Variants in DCC observed in about 807,000 individuals in gnomAD.
The protein encoded by DCC is DCC netrin 1 receptor.
In DCC, 58 loss-of-function variants were observed where a neutral mutation model predicts 172.5. The observed-to-expected ratio is 0.34, with a 90% CI of 0.27 to 0.42. The LOEUF (loss-of-function observed/expected upper bound fraction) is 0.42, where lower values mean the gene tolerates loss of function less well. Ranked by LOEUF, DCC falls within the 10% of genes least tolerant of loss-of-function variation. The pLI is 1.00. For synonymous variants in DCC, 709 were observed against 644.5 expected (o/e 1.10, Z -1.52); for missense variants, 1,740 against 1,791.0 (o/e 0.97, Z 0.51).
At chr18:52,798,361 GTTTCT>G (rs1250425870) in intron 2 of DCC, among the ~76,000 whole-genome samples, 1 of 152,120 alleles carries the variant, frequency 6.6e-6, no homozygotes, top group Admixed American at 6.5e-5. Context: ...TGCAGAGGAA[GTTTCT>G]TTTCTTTTTA....
chr18:52,802,532 T>C (rs774475101), intron 2 of DCC, among the ~76,000 whole-genome samples: 2 of 148,372 alleles, frequency 1.3e-5, no homozygotes, highest in African/African-American at 2.5e-5. Flanking sequence ...TGCAGGGCAG[T>C]GGCATGAACA....
chr18:53,228,321 G>C (rs1160544999), intron 12 of DCC, among the ~76,000 whole-genome samples: 1 of 152,084 alleles, frequency 6.6e-6, no homozygotes, highest in Non-Finnish European at 1.5e-5. Context: ...TCAGAGAAAA[G>C]TCAATGAAGA....
intron 20 of DCC, among the ~76,000 whole-genome samples, chr18:53,412,107 C>T (rs1910020523): frequency 6.6e-6 from 1 of 152,080 alleles, no homozygotes; most frequent in African/African-American, 2.4e-5. Context: ...GTTTAATGAG[C>T]TCAGTATTTC....
At chr18:53,520,297 A>C (rs1297844592) in intron 27 of DCC, among the ~76,000 whole-genome samples, 1 of 152,138 alleles carries the variant, frequency 6.6e-6, no homozygotes, top group Non-Finnish European at 1.5e-5. Context: ...GGATTGGACC[A>C]TGCTCCAGGC....
Position 53,428,775 on chromosome 18 carries a change from T to C in DCC, c.3164-6369T>C, listed in dbSNP as rs1448674343. Among the ~76,000 whole-genome samples the C allele has an allele frequency of 3.1e-4, 16 of 52,208 alleles. 1 individual carries two copies. The highest frequency in any genetic ancestry group is 5.1e-4 in the Non-Finnish European group (14 of 27,202). The allele number at this position is 52,208 out of a possible 152,430, so 34.3% of individuals were successfully genotyped here. ...TATATATAATAAATTATATATTATA[T>C]ATTTTATATATAATAAATTATATAT... On this transcript the variant is annotated intron_variant, in intron 21 of 28. Transcript: ENST00000442544.
chr18:52,888,879 A>C (rs1236863542), intron 2 of DCC, among the ~76,000 whole-genome samples: 1 of 152,138 alleles, frequency 6.6e-6, no homozygotes, highest in Admixed American at 6.5e-5. Flanking sequence ...ATAAGTATAC[A>C]TATACACACA....
intron 5 of DCC, among the ~76,000 whole-genome samples, chr18:53,047,428 CATATATATATATAT>C (rs58797605): frequency 6.8e-4 from 34 of 50,050 alleles, no homozygotes; most frequent in African/African-American, 1.8e-3. Flanking sequence ...ATATATTTTA[CATATATATATATAT>C]ATATATATAT....
At chr18:52,644,718 G>A (rs2034978200) in intron 1 of DCC, among the ~76,000 whole-genome samples, 2 of 149,434 alleles carry the variant, frequency 1.3e-5, no homozygotes, top group African/African-American at 4.9e-5. Context: ...TTGTACCACT[G>A]TGTGACAGAG....
At chr18:53,300,198 C>A (rs148956788) in intron 12 of DCC, among the ~76,000 whole-genome samples, 1 of 152,202 alleles carries the variant, frequency 6.6e-6, no homozygotes, top group East Asian at 1.9e-4. Context: ...TCTGTAGTTG[C>A]AAAGTTGCCT....
chr18:53,432,477 A>G (rs1239617824), intron 21 of DCC, among the ~76,000 whole-genome samples: 1 of 152,188 alleles, frequency 6.6e-6, no homozygotes, highest in Admixed American at 6.5e-5. Flanking sequence ...GAAGTATTTT[A>G]TATCTTTGCA....
intron 9 of DCC, among the ~76,000 whole-genome samples, chr18:53,185,981 A>G (rs1350534996): frequency 2.0e-5 from 3 of 152,352 alleles, no homozygotes; most frequent in African/African-American, 7.2e-5. Context: ...AAAATACATA[A>G]GCATCTTCCG....
At chr18:53,358,678 A>C (rs2057909248) in intron 15 of DCC, among the ~76,000 whole-genome samples, 1 of 151,282 alleles carries the variant, frequency 6.6e-6, no homozygotes, top group South Asian at 2.1e-4. Context: ...CTGCCACCAC[A>C]CCAGGCTAAA....
chr18:53,511,804 G>A (rs1323582829), intron 27 of DCC, among the ~76,000 whole-genome samples: 2 of 152,196 alleles, frequency 1.3e-5, no homozygotes, highest in African/African-American at 4.8e-5. Flanking sequence ...TGGCTCGGAG[G>A]GTCCTACGCC....
At chr18:52,405,575 C>T (rs1986612824) in intron 1 of DCC, among the ~76,000 whole-genome samples, 2 of 151,202 alleles carry the variant, frequency 1.3e-5, no homozygotes, top group African/African-American at 4.9e-5. Flanking sequence ...TTCACAATTG[C>T]TTCAAAGAGA....
intron 7 of DCC, among the ~76,000 whole-genome samples, chr18:53,103,085 T>C (rs547293794): frequency 2.5e-4 from 38 of 152,232 alleles, no homozygotes; most frequent in Admixed American, 6.5e-4. Context: ...CATTCATTTA[T>C]GAATTCATTC....
intron 1 of DCC, among the ~76,000 whole-genome samples, chr18:52,711,588 T>G (rs1396129728): frequency 2.6e-5 from 4 of 152,208 alleles, no homozygotes; most frequent in Non-Finnish European, 4.4e-5. Flanking sequence ...GCTCTCAGAC[T>G]TTAAGTTGCC....
At chr18:52,873,610 G>A (rs762815082) in intron 2 of DCC, among the ~76,000 whole-genome samples, 40 of 152,246 alleles carry the variant, frequency 2.6e-4, no homozygotes, top group African/African-American at 7.5e-4. Context: ...TTTATAGAAC[G>A]CTGTGATTCA....
chr18:53,174,490 G>A (rs2055060184), intron 8 of DCC, among the ~76,000 whole-genome samples: 1 of 147,310 alleles, frequency 6.8e-6, no homozygotes. Context: ...ATGATAAAGG[G>A]GATATCACCA....
chr18:52,347,884 GT>G (rs1434769639), intron 1 of DCC, among the ~76,000 whole-genome samples: 1 of 151,992 alleles, frequency 6.6e-6, no homozygotes, highest in Non-Finnish European at 1.5e-5. Context: ...TACATATAGT[GT>G]TTGGTATAAT....
Sources: gnomAD v4.1 joint callset for allele counts (sites outside exome capture counted in the v4.1 genomes callset) on GRCh38, gnomAD v4.1.1 for gene constraint, MANE v1.5 for transcripts, NCBI Gene and HGNC (gene_info 2026-07-23, HGNC 2026-07-21) for gene names.